CSMD1: variants seen among roughly 807,000 people sequenced by gnomAD.
CSMD1 encodes the protein CUB and sushi domain-containing protein 1.
In CSMD1, 213 loss-of-function variants were observed where a neutral mutation model predicts 417.5. That is an observed-to-expected ratio of 0.51 (90% CI 0.46 to 0.57). CSMD1 has a LOEUF of 0.57. Ranked by LOEUF, CSMD1 falls within the 20% of genes least tolerant of loss-of-function variation. The pLI, the probability that CSMD1 is intolerant of heterozygous loss-of-function variation, is 0.00. For synonymous variants in CSMD1, 2,862 were observed against 1,736.8 expected, an observed-to-expected ratio of 1.65 and a Z score of -16.11; for missense variants, 6,923 against 4,529.7, an observed-to-expected ratio of 1.53 and a Z score of -15.17.
At chr8:3,347,800 A>G (rs1808111236) in intron 22 of CSMD1, among the ~76,000 whole-genome samples, 192 bp downstream of exon 22, 2 of 152,220 alleles carry the variant, frequency 1.3e-5, no homozygotes, top group African/African-American at 4.8e-5. Flanking sequence ...AGTTATTTCA[A>G]AGTCCACATA....
intron 7 of CSMD1, among the ~76,000 whole-genome samples, chr8:3,669,133 G>C (rs910585196): frequency 6.6e-6 from 1 of 152,150 alleles, no homozygotes; most frequent in Non-Finnish European, 1.5e-5. Flanking sequence ...TATCCCTCAA[G>C]GGCAGAATGG....
intron 2 of CSMD1, among the ~76,000 whole-genome samples, chr8:4,545,528 A>G (rs1797588974): frequency 6.6e-6 from 1 of 152,148 alleles, no homozygotes; most frequent in Admixed American, 6.5e-5. Context: ...CCTACGAAAG[A>G]ATCTACATAT....
chr8:4,283,009 T>C (rs765357346), intron 3 of CSMD1, among the ~76,000 whole-genome samples: 5 of 152,166 alleles, frequency 3.3e-5, no homozygotes, highest in African/African-American at 4.8e-5. Context: ...CTGCCTGCAT[T>C]GTATCCCTTT....
At chr8:3,543,320 G>A (rs750510231) in intron 10 of CSMD1, among the ~76,000 whole-genome samples, 2 of 152,208 alleles carry the variant, frequency 1.3e-5, no homozygotes, top group Non-Finnish European at 2.9e-5. Flanking sequence ...TTTAGGGAGT[G>A]AGGTGAAAAG....
chr8:3,265,586 A>G (rs552034859), intron 26 of CSMD1, among the ~76,000 whole-genome samples: 65 of 152,344 alleles, frequency 4.3e-4, no homozygotes, highest in African/African-American at 1.5e-3. Context: ...AAAAACAGCA[A>G]AGAAATAATC....
At chr8:4,628,684 G>A (rs1802311127) in intron 2 of CSMD1, among the ~76,000 whole-genome samples, 1 of 151,670 alleles carries the variant, frequency 6.6e-6, no homozygotes, top group African/African-American at 2.4e-5. Context: ...GATGAAGGCA[G>A]TATTTTTACC....
intron 5 of CSMD1, among the ~76,000 whole-genome samples, chr8:3,861,990 C>G (rs755049486): frequency 6.7e-4 from 102 of 152,170 alleles, no homozygotes; most frequent in Non-Finnish European, 1.3e-3. Context: ...GTGTTTATAT[C>G]TTGTGGAACA....
At position 2,951,152 on chromosome 8, in the gene CSMD1, G is replaced by A. The variant is rs1802601510; in HGVS notation, c.10163C>T (p.Thr3388Ile). Residue 3388 changes from threonine to isoleucine, a missense_variant, in exon 66 of 70, where the codon ACC becomes ATC. By Grantham distance (89) the Thr-to-Ile change is moderately conservative. Coordinates refer to ENST00000635120, the MANE Select transcript of CSMD1 (RefSeq NM_033225.6). ...FNATSSKVNA[T>I]FSEASPVELK... ...CTCCACTGGCGAGGCTTCGCTGAAG[G>A]TGGCATTCACCTTACTGCTTGTTGC... The A allele has an allele frequency of 1.9e-6, 3 of 1,613,526 alleles. No homozygotes were observed. Among genetic ancestry groups the A allele is most frequent in the Non-Finnish European group, 2.5e-6 (3 of 1,179,630 alleles).
At chr8:3,382,433 T>A (rs1470233042) in intron 18 of CSMD1, among the ~76,000 whole-genome samples, 1 of 143,564 alleles carries the variant, frequency 7.0e-6, no homozygotes, top group African/African-American at 2.5e-5. Flanking sequence ...ATATATTATA[T>A]AATAACATAT....
At chr8:3,392,308 A>G (rs879442740) in intron 17 of CSMD1, among the ~76,000 whole-genome samples, 14 of 152,164 alleles carry the variant, frequency 9.2e-5, no homozygotes, top group Non-Finnish European at 1.6e-4. Context: ...AAAAAAAATA[A>G]TAATTCTTGG....
At chr8:4,147,172 C>T (rs1372269333) in intron 3 of CSMD1, among the ~76,000 whole-genome samples, 1 of 152,082 alleles carries the variant, frequency 6.6e-6, no homozygotes, top group Admixed American at 6.6e-5. Context: ...CCCCCCCTGC[C>T]CCCACCACCA....
chr8:3,299,017 G>C (rs760597168), intron 25 of CSMD1, among the ~76,000 whole-genome samples: 3 of 152,134 alleles, frequency 2.0e-5, no homozygotes, highest in Non-Finnish European at 4.4e-5. Flanking sequence ...TGCCATCTTG[G>C]AAAATGTCTC....
intron 7 of CSMD1, chr8:3,702,011 T>A (rs2291215): frequency 3.3e-5 from 5 of 151,854 alleles, no homozygotes; most frequent in South Asian, 2.1e-4. Context: ...AAAACATTGA[T>A]TGCCCAATAC....
rs80172503 is a variant in CSMD1, at chr8:4,849,770, G to A, written c.85+144562C>T. On this transcript the variant is annotated intron_variant, in intron 1 of 69. Coordinates refer to ENST00000635120, the MANE Select transcript of CSMD1 (RefSeq NM_033225.6). ...AGGAAGCTAAACCATCTTGGTTTTAGTAAGTGCACTCAATGATGTTCATAC... is the reference window on the plus strand; with the variant it reads ...AGGAAGCTAAACCATCTTGGTTTTAATAAGTGCACTCAATGATGTTCATAC... Among the ~76,000 whole-genome samples, 3 of 152,256 alleles carry A rather than the reference G, an allele frequency of 2.0e-5. No individual in the cohort carries two copies. In the East Asian group the frequency reaches 5.8e-4, roughly 29 times the overall value.
In CSMD1 at chr8:3,441,492, C is replaced by CATATATATATATATAT. The variant is rs377759438; in HGVS notation, c.1561+27204_1561+27219dup. Among the ~76,000 whole-genome samples, 519 of 143,612 alleles carry CATATATATATATATAT rather than the reference C, an allele frequency of 3.6e-3. 3 individuals carry two copies. Among genetic ancestry groups the CATATATATATATATAT allele is most frequent in the East Asian group, 0.03 (141 of 4,654 alleles). 94.2% of individuals were successfully genotyped at this position (143,612 alleles called of 152,430 possible). ...TTCATTTGCTTATGGCATATAATTT[C>CATATATATATATATAT]ATATATATATATATATATACACACA... On this transcript the variant is annotated intron_variant, in intron 12 of 69. Transcript: ENST00000635120.
At chr8:3,491,116 G>A (rs137929679) in intron 11 of CSMD1, among the ~76,000 whole-genome samples, 141 of 152,264 alleles carry the variant, frequency 9.3e-4, no homozygotes, top group African/African-American at 3.3e-3. Context: ...CTTCACAGCT[G>A]CTTATAGAAG....
At chr8:3,318,190 T>G (rs779857010) in intron 23 of CSMD1, among the ~76,000 whole-genome samples, 1 of 152,254 alleles carries the variant, frequency 6.6e-6, no homozygotes, top group Non-Finnish European at 1.5e-5. Context: ...TAATATTCTA[T>G]TTTTATTTAT....
chr8:3,998,071 C>G lies in CSMD1; in HGVS notation c.650G>C (p.Ser217Thr). Residue 217 changes from serine (S) to threonine (T), a missense_variant, in exon 5 of 70, where the codon AGC (serine) becomes ACC (threonine). Transcript: ENST00000635120. ...ACGGTLRGTS[S>T]SISSPHFPSE... ...AGGGAAGTGCGGGCTGGAGATGGAG[C>G]TGCTGGTCCCGCGTAAGGTTCCTCC... is the stretch of plus-strand genomic sequence containing the variant. 6.3e-7 allele frequency: 1 copy of G among 1,589,478 alleles called. No homozygotes were observed. Among genetic ancestry groups the G allele is most frequent in the South Asian group, 1.1e-5 (1 of 87,388 alleles).
intron 6 of CSMD1, among the ~76,000 whole-genome samples, chr8:3,717,582 C>G (rs527455602): frequency 1.3e-5 from 2 of 152,104 alleles, no homozygotes; most frequent in Admixed American, 6.5e-5. Context: ...TTTAAATAAT[C>G]AAGAAGAAAA....
Sources: allele counts gnomAD v4.1 joint callset (sites outside exome capture counted in the v4.1 genomes callset), GRCh38; gene constraint gnomAD v4.1.1; transcripts MANE v1.5; gene names NCBI Gene and HGNC (gene_info 2026-07-23, HGNC 2026-07-21).